The following NRG1 variants were observed in gnomAD, a reference collection of about 807,000 sequenced individuals.
NRG1 encodes the protein neuregulin 1, also known as pro-neuregulin-1, membrane-bound isoform.
A neutral mutation model predicts 63.8 loss-of-function variants in NRG1; 18 were observed. The observed-to-expected ratio is 0.28, with a 90% confidence interval of 0.19 to 0.42. NRG1 has a LOEUF of 0.42. Ranked by LOEUF, NRG1 falls within the 10% of genes least tolerant of loss-of-function variation. The pLI is 1.00. For synonymous variants in NRG1, 302 were observed against 301.3 expected, an observed-to-expected ratio of 1.00 and a Z score of -0.02; for missense variants, 762 against 814.7, an observed-to-expected ratio of 0.94 and a Z score of 0.79.
chr8:31,794,279 C>T (rs1000336768), intron 1 of NRG1, among the ~76,000 whole-genome samples: 4 of 152,026 alleles, frequency 2.6e-5, no homozygotes, highest in Non-Finnish European at 5.9e-5. Context: ...AGGGATAGAC[C>T]TTCTTCATAC....
At chr8:32,290,791 A>G (rs867065217) in intron 1 of NRG1, among the ~76,000 whole-genome samples, 1 of 152,060 alleles carries the variant, frequency 6.6e-6, no homozygotes, top group Non-Finnish European at 1.5e-5. Flanking sequence ...CCTTATTCTT[A>G]TGTCTATTCT....
chr8:32,740,274 C>T (rs1400262376), intron 6 of NRG1, among the ~76,000 whole-genome samples: 4 of 141,974 alleles, frequency 2.8e-5, no homozygotes, highest in Non-Finnish European at 4.5e-5. Context: ...CAGCTTACTG[C>T]AACCTCTGCC....
At chr8:32,650,427 T>C (rs2129547356) in intron 5 of NRG1, among the ~76,000 whole-genome samples, 1 of 152,198 alleles carries the variant, frequency 6.6e-6, no homozygotes, top group Middle Eastern at 3.4e-3. Context: ...GTTAAGACTT[T>C]GAAACCTATA....
intron 1 of NRG1, among the ~76,000 whole-genome samples, chr8:32,540,723 C>A: frequency 6.6e-6 from 1 of 152,086 alleles, no homozygotes; most frequent in East Asian, 1.9e-4. Flanking sequence ...TTTCTCTGGG[C>A]GCCAAAGAAT....
intron 1 of NRG1, among the ~76,000 whole-genome samples, chr8:32,243,946 G>C (rs536926280): frequency 1.3e-5 from 2 of 152,224 alleles, no homozygotes; most frequent in Admixed American, 1.3e-4. Context: ...CGATTTCTCA[G>C]GTTTTGGAAC....
intron 1 of NRG1, among the ~76,000 whole-genome samples, chr8:32,184,088 GTA>G (rs149344822): frequency 0.18 from 12,695 of 70,874 alleles, 665 homozygotes; most frequent in African/African-American, 0.32. Flanking sequence ...TACTATATAT[GTA>G]TGTGTGTGTG....
chr8:32,526,723 TCAAA>T (rs1319332669), intron 1 of NRG1, among the ~76,000 whole-genome samples: 1 of 152,172 alleles, frequency 6.6e-6, no homozygotes, highest in African/African-American at 2.4e-5. Flanking sequence ...ATCATCATAC[TCAAA>T]CAAACAACCA....
chr8:32,405,361 A>G (rs1159129318), intron 1 of NRG1, among the ~76,000 whole-genome samples: 1 of 152,178 alleles, frequency 6.6e-6, no homozygotes, highest in Non-Finnish European at 1.5e-5. Flanking sequence ...GAAGCCACCA[A>G]GCCTGTTTAA....
At chr8:32,477,868 T>C (rs1824726769) in intron 1 of NRG1, among the ~76,000 whole-genome samples, 1 of 152,194 alleles carries the variant, frequency 6.6e-6, no homozygotes, top group South Asian at 2.1e-4. Context: ...GTCACTTTGG[T>C]TATAGGTTTG....
At chr8:31,982,446 C>T (rs990496449) in intron 1 of NRG1, among the ~76,000 whole-genome samples, 1 of 151,946 alleles carries the variant, frequency 6.6e-6, no homozygotes, top group Non-Finnish European at 1.5e-5. Flanking sequence ...GGATGAGGAA[C>T]CCAGAAGATA....
chr8:31,718,181 T>TC (rs1296358824), intron 1 of NRG1, among the ~76,000 whole-genome samples: 1 of 152,052 alleles, frequency 6.6e-6, no homozygotes, highest in Non-Finnish European at 1.5e-5. Context: ...GTTCTACATT[T>TC]TTTTTTTTGT....
intron 1 of NRG1, among the ~76,000 whole-genome samples, chr8:31,817,629 T>C (rs1368169080): frequency 6.6e-6 from 1 of 152,196 alleles, no homozygotes; most frequent in East Asian, 1.9e-4. Flanking sequence ...AATATTCCCT[T>C]TTTGGTTGAC....
intron 1 of NRG1, among the ~76,000 whole-genome samples, chr8:32,440,186 T>C (rs1243789387): frequency 6.6e-6 from 1 of 152,022 alleles, no homozygotes; most frequent in Admixed American, 6.6e-5. Flanking sequence ...GTCATGATAA[T>C]AGCAAGGGGG....
At chr8:32,320,488 G>T (rs1402623527) in intron 1 of NRG1, among the ~76,000 whole-genome samples, 1 of 152,152 alleles carries the variant, frequency 6.6e-6, no homozygotes. Flanking sequence ...GCCTCAGGAA[G>T]CTTACAATCA....
chr8:32,637,070 T>C (rs1339141977), intron 5 of NRG1, among the ~76,000 whole-genome samples: 1 of 152,132 alleles, frequency 6.6e-6, no homozygotes, highest in African/African-American at 2.4e-5. Flanking sequence ...AGAAACACCA[T>C]GAAAAATTTT....
Position 32,251,053 on chromosome 8 carries a change from TTTATTA to T in NRG1, c.38-344758_38-344753del, listed in dbSNP as rs139569064. 5.4e-3 allele frequency among the ~76,000 whole-genome samples: 822 copies of T among 150,926 alleles called. 2 individuals are homozygous for T. The highest frequency in any genetic ancestry group is 0.031 in the Middle Eastern group (9 of 292). ...ACATTCTAGTATAAAAATTGCCATATTTATTATTATTATTATTATTATACTTAAAGT... is the reference window on the plus strand; with the variant it reads ...ACATTCTAGTATAAAAATTGCCATATTTATTATTATTATTATACTTAAAGT... On this transcript the variant is annotated intron_variant, in intron 1 of 10. Transcript: ENST00000519301.
At chr8:31,963,325 G>A (rs1287002904) in intron 1 of NRG1, among the ~76,000 whole-genome samples, 4 of 152,130 alleles carry the variant, frequency 2.6e-5, no homozygotes, top group African/African-American at 9.7e-5. Flanking sequence ...AATAGAATGT[G>A]CTTTTATATT....
chr8:32,037,862 C>T (rs541718610), intron 1 of NRG1, among the ~76,000 whole-genome samples: 1 of 152,292 alleles, frequency 6.6e-6, no homozygotes, highest in East Asian at 1.9e-4. Flanking sequence ...TAGGCTGTCT[C>T]CAACCTGCTA....
chr8:32,666,795 C>T (rs1046764315), intron 5 of NRG1, among the ~76,000 whole-genome samples: 9 of 152,166 alleles, frequency 5.9e-5, no homozygotes, highest in Admixed American at 2.0e-4. Context: ...TTTTCCCCAC[C>T]CTCCAGTCCC....
Sources: gnomAD v4.1 joint callset for allele counts (sites outside exome capture counted in the v4.1 genomes callset) on GRCh38, gnomAD v4.1.1 for gene constraint, MANE v1.5 for transcripts, NCBI Gene and HGNC (gene_info 2026-07-23, HGNC 2026-07-21) for gene names.